Variants in SPIRE2 observed in about 807,000 individuals in gnomAD.
The protein encoded by SPIRE2 is protein spire homolog 2.
A neutral mutation model predicts 80.7 loss-of-function variants in SPIRE2; 76 were observed. That is an observed-to-expected ratio of 0.94 (90% CI 0.78 to 1.14). The LOEUF (loss-of-function observed/expected upper bound fraction) is 1.14, where lower values mean the gene tolerates loss of function less well. SPIRE2 is among the 50% of genes most tolerant of loss of function. The pLI, the probability that SPIRE2 is intolerant of heterozygous loss-of-function variation, is 0.00. For synonymous variants in SPIRE2, 535 were observed against 432.6 expected (o/e 1.24, Z -2.94); for missense variants, 1,196 against 1,015.3 (o/e 1.18, Z -2.42).
chr16:89,847,187 T>G (rs559185692), intron 2 of SPIRE2: 1 of 152,242 alleles, frequency 6.6e-6, no homozygotes, highest in Non-Finnish European at 1.5e-5. Flanking sequence ...ATAAGGCACC[T>G]GCCACCGTGG....
chr16:89,833,115 C>T (rs1036065467), intron 1 of SPIRE2, among the ~76,000 whole-genome samples: 4 of 152,052 alleles, frequency 2.6e-5, no homozygotes, highest in Admixed American at 6.6e-5. Context: ...CCTCAGCCTC[C>T]GGAGTAGCTG....
intron 6 of SPIRE2, 126 bp from the exon 7 acceptor site, chr16:89,855,987 T>C: frequency 6.8e-7 from 1 of 1,471,358 alleles, no homozygotes; most frequent in East Asian, 2.5e-5. Flanking sequence ...GGCAGGCTCT[T>C]CCGACTCCAG....
At chr16:89,853,811 T>C (rs1458720119) in intron 3 of SPIRE2, among the ~76,000 whole-genome samples, 1 of 152,130 alleles carries the variant, frequency 6.6e-6, no homozygotes, top group Non-Finnish European at 1.5e-5. Context: ...CCTTCCCCAG[T>C]TCACAAAGTA....
intron 1 of SPIRE2, among the ~76,000 whole-genome samples, chr16:89,835,735 C>T (rs1295134647): frequency 1.3e-5 from 2 of 152,214 alleles, no homozygotes; most frequent in Non-Finnish European, 2.9e-5. Flanking sequence ...GGCAAATCAG[C>T]CCGTGCCGGG....
intron 1 of SPIRE2, among the ~76,000 whole-genome samples, chr16:89,836,702 G>A (rs1463307925): frequency 3.3e-5 from 5 of 151,966 alleles, no homozygotes; most frequent in African/African-American, 9.7e-5. Context: ...TCCCCCGGCC[G>A]GGGGCGGTGG....
intron 1 of SPIRE2, among the ~76,000 whole-genome samples, chr16:89,842,789 G>C (rs1017310912): frequency 6.6e-6 from 1 of 152,180 alleles, no homozygotes; most frequent in Non-Finnish European, 1.5e-5. Flanking sequence ...CGTGCTGAAC[G>C]CCCAGCGCGG....
chr16:89,869,056 ATATAT>A (rs2041815668), intron 13 of SPIRE2, among the ~76,000 whole-genome samples: 1 of 72,312 alleles, frequency 1.4e-5, no homozygotes, highest in Non-Finnish European at 2.5e-5. Context: ...AAAAAAAAAT[ATATAT>A]ATATATATAT....
intron 7 of SPIRE2, among the ~76,000 whole-genome samples, 176 bp downstream of exon 7, chr16:89,856,412 G>C (rs2041692319): frequency 6.6e-6 from 1 of 152,018 alleles, no homozygotes; most frequent in African/African-American, 2.4e-5. Context: ...CAGATTACTT[G>C]GGGATAAAAA....
chr16:89,840,560 A>G (rs1174746296), intron 1 of SPIRE2, among the ~76,000 whole-genome samples: 1 of 150,448 alleles, frequency 6.6e-6, no homozygotes, highest in East Asian at 2.0e-4. Context: ...AATCCTTTCA[A>G]AGTTATATTT....
At chr16:89,843,262 C>T (rs1017849959) in intron 1 of SPIRE2, among the ~76,000 whole-genome samples, 4 of 152,346 alleles carry the variant, frequency 2.6e-5, no homozygotes, top group South Asian at 4.1e-4. Context: ...CAAACAGATT[C>T]ATCCTCCGGT....
At chr16:89,833,025 C>T (rs1414509416) in intron 1 of SPIRE2, among the ~76,000 whole-genome samples, 2 of 143,798 alleles carry the variant, frequency 1.4e-5, no homozygotes, top group Admixed American at 7.1e-5. Context: ...GAGTTTCGCT[C>T]TGTTGCCTAG....
intron 13 of SPIRE2, 37 bp downstream of exon 13, chr16:89,868,253 G>A: frequency 6.2e-7 from 1 of 1,609,160 alleles, no homozygotes; most frequent in Non-Finnish European, 8.5e-7. Context: ...TCTGAGCAAG[G>A]CAGATGAGGG....
Position 89,855,700 on chromosome 16 carries a change from C to G in SPIRE2, c.978+14C>G, listed in dbSNP as rs778782661. 12 of 1,610,782 alleles carry G rather than the reference C, an allele frequency of 7.4e-6. No individual in the cohort carries two copies. In the African/African-American group the frequency reaches 1.5e-4, roughly 20 times the overall value. ...CCACTGAAGCAGGTGCTGCCCCAGC[C>G]TCCTCCTCCTCAGGGGCCGCCCGGG... On this transcript the variant is annotated intron_variant, in intron 6 of 14. Transcript: ENST00000378247.
At position 89,840,760 on chromosome 16, in the gene SPIRE2, C is replaced by T. The variant is rs532484164; in HGVS notation, c.245-4562C>T. On this transcript the variant is annotated intron_variant, in intron 1 of 14. Coordinates refer to ENST00000378247, the MANE Select transcript of SPIRE2 (RefSeq NM_032451.2). ...ACGCCATTCTCCTGCCTCAGCCTCC[C>T]GAGTAGCTGGGACTACAGGTGCCCG... 2.2e-3 allele frequency among the ~76,000 whole-genome samples: 334 copies of T among 150,802 alleles called. 4 individuals are homozygous for T. Among genetic ancestry groups the T allele is most frequent in the African/African-American group, 7.5e-3 (305 of 40,886 alleles).
rs2041766148 is a variant in SPIRE2 at position 89,863,848 on chromosome 16, C to G, written c.1765C>G (p.Leu589Val). ...FPLFSWPPSCLFCKRAVCTSC... is the reference protein window; with the variant it reads ...FPLFSWPPSCVFCKRAVCTSC... ...GCTGTTCTCGTGGCCGCCCAGCTGT[C>G]TCTTCTGCAAGAGGTGAGCCTTCCC... Residue 589 changes from leucine to valine, a missense_variant, in exon 12 of 15, where the codon CTC becomes GTC. Transcript: ENST00000378247. This position sits in a 1 kb window ranked among gnomAD's most constrained non-coding sequence, Gnocchi z 4.3. The G allele has an allele frequency of 1.1e-5, 17 of 1,613,712 alleles. No individual in the cohort carries two copies. Among genetic ancestry groups the G allele is most frequent in the Non-Finnish European group, 1.4e-5 (17 of 1,179,790 alleles).
chr16:89,870,066 C>G lies in SPIRE2; in HGVS notation c.1939C>G (p.Gln647Glu). The G allele has an allele frequency of 6.2e-7, 1 of 1,612,812 alleles. No homozygotes were observed. The highest frequency in any genetic ancestry group is 1.3e-5 in the African/African-American group (1 of 75,018). Residue 647 changes from glutamine to glutamate, a missense_variant, in exon 15 of 15, where the codon CAG becomes GAG. Physicochemically the swap from Gln to Glu is conservative, Grantham distance 29. Coordinates refer to ENST00000378247, the MANE Select transcript of SPIRE2 (RefSeq NM_032451.2). ...ACTTCCCAGGTCTCTGCAAGGGCCA[C>G]AGTGGCAGAGCGTGGAGGAGGCGTT... ...RDIFQSLQGPQWQSVEEAFPH... is the reference protein window; with the variant it reads ...RDIFQSLQGPEWQSVEEAFPH...
Position 89,863,924 on chromosome 16 carries a change from T to G in SPIRE2, c.1778+63T>G, listed in dbSNP as rs889936986. On this transcript the variant is annotated intron_variant, in intron 12 of 14. Transcript: ENST00000378247. This position sits in a 1 kb window ranked among gnomAD's most constrained non-coding sequence, Gnocchi z 4.3. ...GAGGAGGCGAGAAACCTCGGGGCAGTACCGCCCACAGAACTTCCTGTGATT... is the reference window on the plus strand; with the variant it reads ...GAGGAGGCGAGAAACCTCGGGGCAGGACCGCCCACAGAACTTCCTGTGATT... 3 of 1,287,368 alleles carry G rather than the reference T, an allele frequency of 2.3e-6. No individual in the cohort carries two copies. The African/African-American group carries it at 4.4e-5, about 19-fold the overall frequency. 79.7% of individuals were successfully genotyped at this position (1,287,368 alleles called of 1,614,324 possible).
intron 12 of SPIRE2, among the ~76,000 whole-genome samples, chr16:89,867,866 T>G (rs1327554922): frequency 6.6e-6 from 1 of 152,204 alleles, no homozygotes; most frequent in East Asian, 1.9e-4. Flanking sequence ...ATTACAGGCG[T>G]AAGCTACCAC....
intron 2 of SPIRE2, chr16:89,845,744 G>A (rs2041553050): frequency 8.1e-6 from 5 of 617,890 alleles, no homozygotes; most frequent in Middle Eastern, 3.6e-4. Context: ...CCAGTGCCCC[G>A]AAACCCCACC....
Sources: allele counts gnomAD v4.1 joint callset (sites outside exome capture counted in the v4.1 genomes callset), GRCh38; gene constraint gnomAD v4.1.1; non-coding constraint Gnocchi (gnomAD v3.1); transcripts MANE v1.5; gene names NCBI Gene and HGNC (gene_info 2026-07-23, HGNC 2026-07-21).